CSMD1: variants seen among roughly 807,000 people sequenced by gnomAD.
CSMD1 encodes CUB and sushi domain-containing protein 1.
CSMD1 carries 213 observed loss-of-function variants against 417.5 expected under a neutral mutation model. That is an observed-to-expected ratio of 0.51 (90% CI 0.46 to 0.57). CSMD1 has a LOEUF of 0.57. Ranked by LOEUF, CSMD1 falls within the 20% of genes least tolerant of loss-of-function variation. The pLI is 0.00. For synonymous variants in CSMD1, 2,862 were observed against 1,736.8 expected (o/e 1.65, Z -16.11); for missense variants, 6,923 against 4,529.7 (o/e 1.53, Z -15.17).
At chr8:4,413,404 A>G (rs1796754297) in intron 3 of CSMD1, among the ~76,000 whole-genome samples, 1 of 152,280 alleles carries the variant, frequency 6.6e-6, no homozygotes, top group Non-Finnish European at 1.5e-5. Flanking sequence ...GCCTCGCTAG[A>G]TTAGCTAAAT....
At position 4,701,705 on chromosome 8, in the gene CSMD1, G is replaced by T. The variant is rs115893070; in HGVS notation, c.86-64147C>A. Among the ~76,000 whole-genome samples the T allele has an allele frequency of 2.5e-3, 381 of 152,150 alleles. 1 individual carries two copies. Among genetic ancestry groups the T allele is most frequent in the African/African-American group, 8.8e-3 (367 of 41,504 alleles). On this transcript the variant is annotated intron_variant, in intron 1 of 69. Transcript: ENST00000635120. ...TCTCCTTAAAAAAAAAAGTAGAGTGGTGACAAATCATAACATTCCTCTTTT... is the reference window on the plus strand; with the variant it reads ...TCTCCTTAAAAAAAAAAGTAGAGTGTTGACAAATCATAACATTCCTCTTTT...
intron 3 of CSMD1, among the ~76,000 whole-genome samples, chr8:4,181,152 T>A (rs1483925573): frequency 6.6e-6 from 1 of 152,136 alleles, no homozygotes; most frequent in Non-Finnish European, 1.5e-5. Context: ...TATTTTGGTG[T>A]ATTTGCTTTA....
At chr8:4,252,501 G>T (rs1803147887) in intron 3 of CSMD1, among the ~76,000 whole-genome samples, 1 of 152,326 alleles carries the variant, frequency 6.6e-6, no homozygotes, top group South Asian at 2.1e-4. Flanking sequence ...AGAAGCCAGA[G>T]GCATGTCCTG....
At chr8:4,041,795 A>C (rs530504708) in intron 3 of CSMD1, among the ~76,000 whole-genome samples, 1 of 152,160 alleles carries the variant, frequency 6.6e-6, no homozygotes, top group Non-Finnish European at 1.5e-5. Flanking sequence ...ATATTAAAAA[A>C]CAAACAAACA....
chr8:3,936,174 T>G (rs1466152404), intron 5 of CSMD1, among the ~76,000 whole-genome samples: 1 of 86,630 alleles, frequency 1.2e-5, no homozygotes, highest in Admixed American at 1.3e-4. Flanking sequence ...TGTCAGTTCA[T>G]AGGGTTTAAG....
intron 5 of CSMD1, among the ~76,000 whole-genome samples, chr8:3,781,311 T>G (rs149296111): frequency 6.6e-6 from 1 of 152,058 alleles, no homozygotes; most frequent in African/African-American, 2.4e-5. Flanking sequence ...TATTCATACA[T>G]GTCTTTGTTC....
chr8:3,130,580 C>T (rs1471767335), intron 41 of CSMD1, among the ~76,000 whole-genome samples: 3 of 152,196 alleles, frequency 2.0e-5, no homozygotes, highest in Non-Finnish European at 2.9e-5. Flanking sequence ...CCCCCTGACC[C>T]GGGGAAGCCC....
chr8:4,110,284 C>G (rs116535633), intron 3 of CSMD1, among the ~76,000 whole-genome samples: 1,874 of 152,170 alleles, frequency 0.012, 45 homozygotes, highest in African/African-American at 0.042. Context: ...CTGTGAGAAG[C>G]AATTTTAATT....
rs148989478 is a variant in CSMD1, at chr8:4,114,659, G to A, written c.416-82560C>T. ...CTGGAAAGGATTATCTTTGCTAGAT[G>A]CCATTAAGAAAAATTGTGCTTCATG... On this transcript the variant is annotated intron_variant, in intron 3 of 69. Transcript: ENST00000635120. Among the ~76,000 whole-genome samples, 298 of 152,312 alleles carry A rather than the reference G, an allele frequency of 2.0e-3. 2 individuals are homozygous for A. Among genetic ancestry groups the A allele is most frequent in the African/African-American group, 6.8e-3 (283 of 41,582 alleles).
At chr8:3,822,140 A>T (rs73172257) in intron 5 of CSMD1, among the ~76,000 whole-genome samples, 5,737 of 152,214 alleles carry the variant, frequency 0.038, 160 homozygotes, top group Non-Finnish European at 0.06. Context: ...AAGAGCAAAG[A>T]CGGAACTTCT....
rs569422018 is a variant in CSMD1, at chr8:4,428,604, T to C, written c.303-8539A>G. The stretch of plus-strand genomic sequence containing the variant: ...TTATGACACTTTCAGTAATACTAGA[T>C]GTGCTCAAGTTCCTTTAGGAAACAC... On this transcript the variant is annotated intron_variant, in intron 2 of 69. Transcript: ENST00000635120. Among the ~76,000 whole-genome samples, 46 of 152,208 alleles carry C rather than the reference T, an allele frequency of 3.0e-4. 1 individual carries two copies. Among genetic ancestry groups the C allele is most frequent in the Non-Finnish European group, 6.0e-4 (41 of 68,028 alleles).
chr8:4,917,072 ACTAT>A (rs1279376819), intron 1 of CSMD1, among the ~76,000 whole-genome samples: 1 of 152,194 alleles, frequency 6.6e-6, no homozygotes, highest in African/African-American at 2.4e-5. Flanking sequence ...GGTTCGGTAG[ACTAT>A]CTATAGGAAG....
At chr8:4,919,490 A>G (rs1331709257) in intron 1 of CSMD1, among the ~76,000 whole-genome samples, 1 of 152,208 alleles carries the variant, frequency 6.6e-6, no homozygotes, top group Non-Finnish European at 1.5e-5. Flanking sequence ...TATTTGAAGC[A>G]TGTTATCGGT....
intron 2 of CSMD1, among the ~76,000 whole-genome samples, chr8:4,496,321 T>G (rs893621641): frequency 6.6e-6 from 1 of 152,176 alleles, no homozygotes; most frequent in Non-Finnish European, 1.5e-5. Context: ...ATCAAAGGAC[T>G]CCTTAGGTTC....
intron 50 of CSMD1, among the ~76,000 whole-genome samples, chr8:3,045,521 G>T (rs7388231): frequency 0.2 from 30,658 of 152,072 alleles, 3,594 homozygotes; most frequent in Non-Finnish European, 0.27. Context: ...GATTTTTCCA[G>T]AAGATTTTAG....
Position 4,621,667 on chromosome 8 carries a change from C to T in CSMD1, c.302+15675G>A, listed in dbSNP as rs1258745488. Among the ~76,000 whole-genome samples, 4 of 151,922 alleles carry T rather than the reference C, an allele frequency of 2.6e-5. No homozygotes were observed. The South Asian group carries it at 6.2e-4, about 24-fold the overall frequency. On this transcript the variant is annotated intron_variant, in intron 2 of 69. Coordinates refer to ENST00000635120, the MANE Select transcript of CSMD1 (RefSeq NM_033225.6). ...AGAAACAGAGGAGAAAACAGTTCTG[C>T]TCATTTTTTTAATAATTTACCGTCT...
intron 6 of CSMD1, among the ~76,000 whole-genome samples, chr8:3,735,921 C>T (rs952273455): frequency 3.9e-5 from 6 of 152,008 alleles, no homozygotes; most frequent in African/African-American, 1.2e-4. Context: ...TTACAGCCTC[C>T]TAAAGCTTTC....
chr8:4,311,773 G>C (rs1044944434), intron 3 of CSMD1, among the ~76,000 whole-genome samples: 1 of 151,116 alleles, frequency 6.6e-6, no homozygotes, highest in South Asian at 2.1e-4. Flanking sequence ...TCATAGAGGG[G>C]AACACATAGA....
At chr8:3,433,165 A>G (rs964642758) in intron 12 of CSMD1, among the ~76,000 whole-genome samples, 1 of 152,242 alleles carries the variant, frequency 6.6e-6, no homozygotes, top group Non-Finnish European at 1.5e-5. Flanking sequence ...CTGAAGAAAC[A>G]ATGAATGAAA....
Sources: gnomAD v4.1 joint callset for allele counts (sites outside exome capture counted in the v4.1 genomes callset) on GRCh38, gnomAD v4.1.1 for gene constraint, MANE v1.5 for transcripts, NCBI Gene and HGNC (gene_info 2026-07-23, HGNC 2026-07-21) for gene names.